Variants in ATRNL1 observed in about 807,000 individuals in gnomAD.
ATRNL1 encodes attractin-like protein 1.
A neutral mutation model predicts 182.7 loss-of-function variants in ATRNL1; 95 were observed. The ratio of observed to expected loss-of-function variants is 0.52; its 90% CI spans 0.44 to 0.62. The LOEUF (loss-of-function observed/expected upper bound fraction) is 0.62, where lower values mean the gene tolerates loss of function less well. Among genes scored for constraint, ATRNL1 ranks in the 20% least tolerant of loss-of-function variants. The probability of loss-of-function intolerance (pLI) is 0.00; values close to 1 mark genes in which losing one functional copy is unlikely to be tolerated. For missense variants in ATRNL1, 1,471 were observed against 1,679.5 expected, an observed-to-expected ratio of 0.88 and a Z score of 2.17; for synonymous variants, 576 against 568.3, an observed-to-expected ratio of 1.01 and a Z score of -0.19.
chr10:115,830,262 C>T (rs2134308947), intron 27 of ATRNL1, among the ~76,000 whole-genome samples: 1 of 152,286 alleles, frequency 6.6e-6, no homozygotes, highest in Middle Eastern at 3.4e-3. Flanking sequence ...AAAATTACAA[C>T]CAGAATAAAT....
At chr10:115,153,625 G>A (rs1452146727) in intron 5 of ATRNL1, among the ~76,000 whole-genome samples, 1 of 151,980 alleles carries the variant, frequency 6.6e-6, no homozygotes, top group African/African-American at 2.4e-5. Context: ...AGACTTGCTA[G>A]CGGTCTATCA....
chr10:115,879,419 G>T (rs1266889404), intron 28 of ATRNL1, among the ~76,000 whole-genome samples: 4 of 152,088 alleles, frequency 2.6e-5, no homozygotes, highest in Non-Finnish European at 5.9e-5. Context: ...AACCCAGACA[G>T]TCCAGCTGTC....
intron 28 of ATRNL1, among the ~76,000 whole-genome samples, chr10:115,928,498 A>G (rs1953301312): frequency 6.6e-6 from 1 of 152,030 alleles, no homozygotes; most frequent in African/African-American, 2.4e-5. Flanking sequence ...AATTGTCTAT[A>G]GTGAAGCTTG....
chr10:115,597,548 A>C (rs1856321446), intron 26 of ATRNL1: 2 of 395,470 alleles, frequency 5.1e-6, no homozygotes, highest in African/African-American at 4.4e-5. Context: ...ACATTACATG[A>C]AACAATTCAT....
At position 115,344,513 on chromosome 10, in the gene ATRNL1, T is replaced by A. The variant is rs115780374; in HGVS notation, c.3175+10094T>A. On this transcript the variant is annotated intron_variant, in intron 19 of 28. Transcript: ENST00000355044. ...TGGTGAATGCTGCCTGGCCTGGGAC[T>A]CACCCTTTAGGGGAGTGGGCTCCCC... is the stretch of plus-strand genomic sequence containing the variant. Among the ~76,000 whole-genome samples the A allele has an allele frequency of 6.7e-3, 1,023 of 152,248 alleles. 10 individuals are homozygous for A. Among genetic ancestry groups the A allele is most frequent in the African/African-American group, 0.024 (983 of 41,556 alleles).
chr10:115,150,878 C>A (rs1294815677), intron 5 of ATRNL1, among the ~76,000 whole-genome samples: 1 of 152,126 alleles, frequency 6.6e-6, no homozygotes, highest in Non-Finnish European at 1.5e-5. Context: ...CCCTGCTCCC[C>A]CCACCCCACG....
At chr10:115,871,469 TTGTGTGTGTGTATA>T (rs782389699) in intron 28 of ATRNL1, among the ~76,000 whole-genome samples, 15 of 140,318 alleles carry the variant, frequency 1.1e-4, no homozygotes, top group South Asian at 9.1e-4. Flanking sequence ...GTCAGATTCT[TTGTGTGTGTGTATA>T]TATATATATA....
At chr10:115,867,993 G>A (rs560723216) in intron 28 of ATRNL1, among the ~76,000 whole-genome samples, 1 of 152,100 alleles carries the variant, frequency 6.6e-6, no homozygotes, top group East Asian at 1.9e-4. Flanking sequence ...CGAACTCCTG[G>A]CCTCAAGCTA....
At chr10:115,302,376 C>A (rs1329992819) in intron 17 of ATRNL1, among the ~76,000 whole-genome samples, 4 of 152,108 alleles carry the variant, frequency 2.6e-5, no homozygotes, top group African/African-American at 9.7e-5. Context: ...TTTTTAGTAT[C>A]TTTTAATCTA....
intron 10 of ATRNL1, among the ~76,000 whole-genome samples, chr10:115,247,226 C>T (rs192721108): frequency 2.6e-5 from 4 of 152,150 alleles, no homozygotes; most frequent in Non-Finnish European, 5.9e-5. Context: ...AGACAACCTC[C>T]AGAAGGGGAG....
intron 15 of ATRNL1, among the ~76,000 whole-genome samples, chr10:115,288,458 C>T (rs1357000960): frequency 3.3e-5 from 5 of 151,090 alleles, no homozygotes; most frequent in Non-Finnish European, 5.9e-5. Flanking sequence ...TTTTTGTTTC[C>T]CTGATGATTA....
At chr10:115,587,576 C>A (rs1156336947) in intron 26 of ATRNL1, among the ~76,000 whole-genome samples, 1 of 137,462 alleles carries the variant, frequency 7.3e-6, no homozygotes, top group East Asian at 2.8e-4. Context: ...TCCCTGACCC[C>A]TTGCGCTTCC....
intron 27 of ATRNL1, among the ~76,000 whole-genome samples, chr10:115,785,294 A>G (rs1475098648): frequency 2.0e-5 from 3 of 152,228 alleles, no homozygotes; most frequent in Admixed American, 1.3e-4. Flanking sequence ...AGAAAGTTCC[A>G]TTAGGTTTCA....
chr10:115,539,162 G>T (rs998460066), intron 25 of ATRNL1, among the ~76,000 whole-genome samples: 22 of 152,166 alleles, frequency 1.4e-4, no homozygotes, highest in Admixed American at 1.3e-4. Context: ...TGTACCTTTA[G>T]ATCTGTGATC....
rs72824706 is a variant in ATRNL1 at position 115,538,573 on chromosome 10, T to C, written c.3717-10885T>C. ...TTGCTGTTTATTTTTGAATATTGAATGTTTTTTGTATATTCTGGATACAAC... is the reference window on the plus strand; with the variant it reads ...TTGCTGTTTATTTTTGAATATTGAACGTTTTTTGTATATTCTGGATACAAC... On this transcript the variant is annotated intron_variant, in intron 25 of 28. Coordinates refer to ENST00000355044, the MANE Select transcript of ATRNL1 (RefSeq NM_207303.4). Among the ~76,000 whole-genome samples, 446 of 152,358 alleles carry C rather than the reference T, an allele frequency of 2.9e-3. 1 individual carries two copies. Among genetic ancestry groups the C allele is most frequent in the Non-Finnish European group, 5.1e-3 (350 of 68,034 alleles).
intron 26 of ATRNL1, among the ~76,000 whole-genome samples, chr10:115,636,232 T>C (rs782333081): frequency 1.3e-5 from 2 of 152,094 alleles, no homozygotes; most frequent in Non-Finnish European, 2.9e-5. Context: ...CTTGGTAGCC[T>C]CTTTATCCCT....
chr10:115,150,468 T>C (rs759962763), intron 5 of ATRNL1, among the ~76,000 whole-genome samples: 3 of 152,120 alleles, frequency 2.0e-5, no homozygotes, highest in Non-Finnish European at 2.9e-5. Flanking sequence ...TGGGTACTTA[T>C]TGCTGTAAAC....
At chr10:115,160,779 A>T (rs1373341540) in intron 6 of ATRNL1, among the ~76,000 whole-genome samples, 1 of 151,896 alleles carries the variant, frequency 6.6e-6, no homozygotes, top group Non-Finnish European at 1.5e-5. Context: ...ATTGTATTTT[A>T]TGAACTGTTT....
At chr10:115,634,900 T>C (rs1555027495) in intron 26 of ATRNL1, among the ~76,000 whole-genome samples, 1 of 152,066 alleles carries the variant, frequency 6.6e-6, no homozygotes. Flanking sequence ...TTATAAAAAT[T>C]GCATATCCAT....
Sources: gnomAD v4.1 joint callset for allele counts (sites outside exome capture counted in the v4.1 genomes callset) on GRCh38, gnomAD v4.1.1 for gene constraint, MANE v1.5 for transcripts, NCBI Gene and HGNC (gene_info 2026-07-23, HGNC 2026-07-21) for gene names.